INTS6: variants seen among roughly 807,000 people sequenced by gnomAD.
INTS6 encodes the protein DEAD box protein.
A neutral mutation model predicts 104.9 loss-of-function variants in INTS6; 16 were observed. The observed-to-expected ratio is 0.15, with a 90% CI of 0.10 to 0.23. The LOEUF is 0.23. INTS6 is among the 10% of genes least tolerant of loss of function. The pLI is 1.00. For missense variants in INTS6, 584 were observed against 1,062.8 expected (o/e 0.55, Z 6.26); for synonymous variants, 324 against 358.7 (o/e 0.90, Z 1.09).
chr13:51,353,293 A>G (rs117663049), downstream of INTS6, among the ~76,000 whole-genome samples: 129 of 152,352 alleles, frequency 8.5e-4, 2 homozygotes, highest in East Asian at 0.023. Context: ...CTTTCTCAAC[A>G]TAATTGAAAA....
rs866647609 is a variant in INTS6 at position 51,403,637 on chromosome 13, C to T, written c.430-8154G>A. 1.4e-3 allele frequency among the ~76,000 whole-genome samples: 198 copies of T among 137,040 alleles called. No individual in the cohort carries two copies. The Middle Eastern group carries it at 0.017, about 11-fold the overall frequency. The allele number at this position is 137,040 out of a possible 152,430, so 89.9% of individuals were successfully genotyped here. On this transcript the variant is annotated intron_variant, in intron 4 of 17. Coordinates refer to ENST00000311234, the MANE Select transcript of INTS6 (RefSeq NM_012141.3). ...AAAAAAAGAAAAAGATTTCCCCTTT[C>T]TTGAACTTGGAAGTTCTGCCAACTG...
chr13:51,429,877 T>A (rs1957060744), intron 4 of INTS6, among the ~76,000 whole-genome samples: 1 of 149,444 alleles, frequency 6.7e-6, no homozygotes, highest in East Asian at 2.0e-4. Context: ...TCTTAACACC[T>A]CTTCTTGGCT....
intron 4 of INTS6, among the ~76,000 whole-genome samples, chr13:51,423,776 G>T (rs549296297): frequency 1.6e-4 from 24 of 152,106 alleles, no homozygotes; most frequent in Middle Eastern, 3.4e-3. Context: ...GGCCTTCTAA[G>T]TCAAAAACAT....
the INTS6 span, chr13:51,347,137 A>G: frequency 1.2e-6 from 2 of 1,613,714 alleles, no homozygotes; most frequent in Non-Finnish European, 1.7e-6. Flanking sequence ...GGCGAAAGAG[A>G]TTCTCCTCCA....
At chr13:51,357,600 A>AT (rs1305488855), downstream of INTS6, among the ~76,000 whole-genome samples, 1 of 151,684 alleles carries the variant, frequency 6.6e-6, no homozygotes, top group Non-Finnish European at 1.5e-5. Flanking sequence ...GGCATCAAAT[A>AT]TTTTTTTTGC....
At position 51,372,144 on chromosome 13, in the gene INTS6, A is replaced by T. The variant is rs565589641; in HGVS notation, c.2104+2064T>A. On this transcript the variant is annotated intron_variant, in intron 15 of 17. Transcript: ENST00000311234. ...CTTTTCCCATCTTCCTTTTACAACT[A>T]AACTTAACTGGTCGTTTATACTCAT... Among the ~76,000 whole-genome samples the T allele has an allele frequency of 2.6e-5, 4 of 152,200 alleles. No homozygotes were observed. In the East Asian group the frequency reaches 7.7e-4, roughly 29 times the overall value.
chr13:51,424,077 C>A (rs749966362), intron 4 of INTS6, among the ~76,000 whole-genome samples: 3 of 152,010 alleles, frequency 2.0e-5, no homozygotes, highest in Non-Finnish European at 4.4e-5. Flanking sequence ...TACCACAGTA[C>A]TTTATATATA....
intron 15 of INTS6, 145 bp downstream of exon 15, chr13:51,374,062 AC>A: frequency 1.6e-6 from 1 of 608,950 alleles, no homozygotes; most frequent in Non-Finnish European, 2.9e-6. Context: ...AAAAATGATT[AC>A]ATGCTCATTT....
chr13:51,389,574 T>A (rs867675394), intron 5 of INTS6, 130 bp from the exon 6 acceptor site: 7 of 781,488 alleles, frequency 9.0e-6, no homozygotes, highest in Non-Finnish European at 1.1e-5. Context: ...AAAAGTTCAA[T>A]GGTAAAAGTT....
At chr13:51,384,631 C>A (rs759562137) in intron 7 of INTS6, 5 of 456,570 alleles carry the variant, frequency 1.1e-5, no homozygotes, top group South Asian at 6.2e-5. Context: ...CCCCAAGCTA[C>A]AAAACCTGTT....
intron 3 of INTS6, among the ~76,000 whole-genome samples, chr13:51,435,300 A>C (rs1026154045): frequency 7.2e-5 from 11 of 152,136 alleles, no homozygotes; most frequent in African/African-American, 2.6e-4. Flanking sequence ...GCAAAATATA[A>C]TGTTCTAGCT....
intron 4 of INTS6, among the ~76,000 whole-genome samples, chr13:51,401,095 G>A (rs1956429280): frequency 6.6e-6 from 1 of 152,038 alleles, no homozygotes; most frequent in African/African-American, 2.4e-5. Flanking sequence ...CTTCCTATAT[G>A]CCTCAACTGA....
At chr13:51,446,135 A>T (rs182206646) in intron 3 of INTS6, 1 of 152,332 alleles carries the variant, frequency 6.6e-6, no homozygotes, top group East Asian at 1.9e-4. Flanking sequence ...AAAGCAAACT[A>T]CATAATGGGA....
intron 4 of INTS6, among the ~76,000 whole-genome samples, chr13:51,425,798 T>C (rs1181119757): frequency 1.3e-5 from 2 of 152,072 alleles, no homozygotes; most frequent in Non-Finnish European, 2.9e-5. Flanking sequence ...ATCAGTTATA[T>C]AACATGACAA....
At chr13:51,432,063 T>C (rs1957101662) in intron 3 of INTS6, among the ~76,000 whole-genome samples, 1 of 152,142 alleles carries the variant, frequency 6.6e-6, no homozygotes, top group Admixed American at 6.6e-5. Context: ...GCTTTTCCTC[T>C]TCCCTCCTCA....
chr13:51,425,981 C>T (rs1956977771), intron 4 of INTS6, among the ~76,000 whole-genome samples: 1 of 151,692 alleles, frequency 6.6e-6, no homozygotes, highest in African/African-American at 2.4e-5. Flanking sequence ...AAAAAAAAGC[C>T]AAATATATAC....
downstream of INTS6, among the ~76,000 whole-genome samples, chr13:51,352,787 ATGTT>A (rs1955419232): frequency 6.6e-6 from 1 of 151,840 alleles, no homozygotes; most frequent in Admixed American, 6.6e-5. Flanking sequence ...TGTATGTTTG[ATGTT>A]TGTTTGTTTT....
the INTS6 span, among the ~76,000 whole-genome samples, chr13:51,338,755 A>C: frequency 4.6e-5 from 7 of 152,224 alleles, no homozygotes; most frequent in Non-Finnish European, 8.8e-5. Context: ...AAACAATCCC[A>C]GGTTTGGGTG....
In INTS6 at chr13:51,362,546, T is replaced by TG. The variant is rs1955602639; in HGVS notation, c.*3205_*3206insC. 6.6e-6 allele frequency: 1 copy of TG among 152,658 alleles called. No individual in the cohort carries two copies. Among genetic ancestry groups the TG allele is most frequent in the Non-Finnish European group, 1.5e-5 (1 of 68,154 alleles). 9.5% of individuals were successfully genotyped at this position (152,658 alleles called of 1,614,324 possible). A position where few individuals can be genotyped will look rare whatever the true frequency, so the allele number is the denominator to read the frequency against. ...ATGTTCTTCCTCCCCCACTCACAAT[T>TG]ACTTAGCCTAGGAAGGAAAAGAGAT... is the stretch of plus-strand genomic sequence containing the variant. On this transcript the variant is annotated 3_prime_UTR_variant, in exon 18 of 18. Coordinates refer to ENST00000311234, the MANE Select transcript of INTS6 (RefSeq NM_012141.3).
Sources: gnomAD v4.1 joint callset for allele counts (sites outside exome capture counted in the v4.1 genomes callset) on GRCh38, gnomAD v4.1.1 for gene constraint, MANE v1.5 for transcripts, NCBI Gene and HGNC (gene_info 2026-07-23, HGNC 2026-07-21) for gene names.